MIA2: variants seen among roughly 807,000 people sequenced by gnomAD.
MIA2 encodes melanoma inhibitory activity protein 2.
Under a neutral mutation model 167.8 loss-of-function variants are expected in MIA2, and 127 were observed. The observed-to-expected ratio is 0.76, with a 90% confidence interval of 0.66 to 0.88. The LOEUF is 0.88. Among genes scored for constraint, MIA2 ranks in the 40% least tolerant of loss-of-function variants. The pLI, the probability that MIA2 is intolerant of heterozygous loss-of-function variation, is 0.00. For synonymous variants in MIA2, 552 were observed against 541.9 expected, an observed-to-expected ratio of 1.02 and a Z score of -0.26; for missense variants, 1,690 against 1,624.7, an observed-to-expected ratio of 1.04 and a Z score of -0.69.
chr14:39,386,625 T>C lies in MIA2; in HGVS notation c.2249-260T>C, dbSNP rs2075276641. 26 of 1,036,186 alleles carry C rather than the reference T, an allele frequency of 2.5e-5. No individual in the cohort carries two copies. The South Asian group carries it at 3.5e-4, about 14-fold the overall frequency. 64.2% of individuals were successfully genotyped at this position (1,036,186 alleles called of 1,614,324 possible). On this transcript the variant is annotated intron_variant, in intron 23 of 23. Coordinates refer to the MIA2 transcript ENST00000341502. ...CTTTTTTCTTTTTTTTCTTTTTTTT[T>C]GGCTGGCAGTCTGATCTGTGACAGC...
intron 23 of MIA2, among the ~76,000 whole-genome samples, chr14:39,359,607 A>T (rs573063969): frequency 1.3e-5 from 2 of 152,040 alleles, no homozygotes; most frequent in South Asian, 4.1e-4. Context: ...CGGTACCTCT[A>T]TTGGAAATGC....
intron 6 of MIA2, among the ~76,000 whole-genome samples, chr14:39,263,117 G>A (rs1048492999): frequency 6.6e-6 from 1 of 152,140 alleles, no homozygotes; most frequent in Non-Finnish European, 1.5e-5. Context: ...AATGCTTCCA[G>A]TTTTTGCCCA....
In MIA2 at chr14:39,313,439, T is replaced by C. The variant is rs2064723059; in HGVS notation, c.3117T>C (p.Tyr1039=). The part of the protein sequence containing the change: ...ISHATEELET[Y]RKRAKDLEEE... Reference sequence around the variant, plus strand: ...ATGCCACTGAAGAGCTGGAGACCTATAGGTATTAAATACATTTTTCTGGTT... The same window carrying C: ...ATGCCACTGAAGAGCTGGAGACCTACAGGTATTAAATACATTTTTCTGGTT... Residue 1039 remains tyrosine, a splice_region_variant and synonymous_variant, in exon 19 of 29, where the codon TAT becomes TAC. Coordinates refer to ENST00000640607, the MANE Select transcript of MIA2 (RefSeq NM_001329214.4). 1 of 1,564,876 alleles carries C rather than the reference T, an allele frequency of 6.4e-7. No individual in the cohort carries two copies. Among genetic ancestry groups the C allele is most frequent in the Non-Finnish European group, 8.7e-7 (1 of 1,151,750 alleles).
At chr14:39,347,802 T>C in intron 27 of MIA2, 31 bp downstream of exon 27, 1 of 1,480,716 alleles carries the variant, frequency 6.8e-7, no homozygotes, top group South Asian at 1.2e-5. Context: ...ATTGTATGCA[T>C]GTATTCAGAA....
In MIA2 at chr14:39,350,219, A is replaced by T; in HGVS notation, c.4194A>T (p.Ser1398=). 1.3e-6 allele frequency: 2 copies of T among 1,525,892 alleles called. No homozygotes were observed. Among genetic ancestry groups the T allele is most frequent in the Non-Finnish European group, 1.8e-6 (2 of 1,134,952 alleles). 94.5% of individuals were successfully genotyped at this position (1,525,892 alleles called of 1,614,324 possible). A position where few individuals can be genotyped will look rare whatever the true frequency, so the allele number is the denominator to read the frequency against. ...SEFPSGLIPP[S]NEPATEHPEP... ...TCCCCTCAGGTTTGATTCCACCTTC[A>T]AATGAGCCTGCTACTGAACATCCAG... The change falls in exon 29 of 29, where the codon TCA becomes TCT. Residue 1398 remains serine (S), a synonymous_variant. Transcript: ENST00000640607.
chr14:39,327,121 T>G (rs1196073776), intron 25 of MIA2, 99 bp downstream of exon 25: 14 of 921,012 alleles, frequency 1.5e-5, no homozygotes, highest in Non-Finnish European at 1.5e-5. Flanking sequence ...TGTTCTCTCT[T>G]AAGAAAAATC....
At chr14:39,288,458 TATATA>T (rs1566747696) in intron 9 of MIA2, among the ~76,000 whole-genome samples, 164 of 16,006 alleles carry the variant, frequency 0.01, 12 homozygotes, top group South Asian at 0.024. Context: ...TATATATATA[TATATA>T]TATATATATA....
chr14:39,329,285 T>A (rs1313437996), intron 25 of MIA2, among the ~76,000 whole-genome samples: 1 of 152,196 alleles, frequency 6.6e-6, no homozygotes, highest in Non-Finnish European at 1.5e-5. Context: ...ATAGGAATGC[T>A]TGTGATTTTT....
intron 3 of MIA2, among the ~76,000 whole-genome samples, chr14:39,244,205 A>G (rs1258441520): frequency 6.6e-6 from 1 of 152,264 alleles, no homozygotes; most frequent in Non-Finnish European, 1.5e-5. Context: ...ATTTTAGATT[A>G]TATGGCTGGC....
chr14:39,255,007 G>C (rs1307773472), intron 6 of MIA2, among the ~76,000 whole-genome samples: 6 of 152,180 alleles, frequency 3.9e-5, no homozygotes, highest in Non-Finnish European at 7.4e-5. Context: ...TAGCTTGGGG[G>C]ACCTGTTAGA....
In MIA2 at chr14:39,298,415, A is replaced by ATT. The variant is rs1566802199; in HGVS notation, c.2497-1448_2497-1447insTT. Among the ~76,000 whole-genome samples, 115 of 18,398 alleles carry ATT rather than the reference A, an allele frequency of 6.3e-3. 1 individual carries two copies. The highest frequency in any genetic ancestry group is 0.041 in the African/African-American group (111 of 2,676). 12.1% of individuals were successfully genotyped at this position (18,398 alleles called of 152,430 possible). A position where few individuals can be genotyped will look rare whatever the true frequency, so the allele number is the denominator to read the frequency against. ...TACCTGTATCATCTGATTCTGTTTT[A>ATT]TATATATATATATATATATATATAT... On this transcript the variant is annotated intron_variant, in intron 13 of 28. Transcript: ENST00000640607.
intron 6 of MIA2, among the ~76,000 whole-genome samples, chr14:39,259,889 TG>T (rs1462787062): frequency 1.3e-5 from 2 of 152,002 alleles, no homozygotes; most frequent in African/African-American, 4.8e-5. Flanking sequence ...CCCCGGTGTG[TG>T]ATGTTCCCCA....
chr14:39,277,722 A>ATATATATATATATATATGTGTG lies in MIA2; in HGVS notation c.2019+674_2019+675insGTGTGTATATATATATATATAT, dbSNP rs2058306507. ...TATATATATATATATATATGTGTGT[A>ATATATATATATATATATGTGTG]TATATATATATATATATATATGTGT... On this transcript the variant is annotated intron_variant, in intron 7 of 28. Coordinates refer to ENST00000640607, the MANE Select transcript of MIA2 (RefSeq NM_001329214.4). Among the ~76,000 whole-genome samples, 19 of 2,776 alleles carry ATATATATATATATATATGTGTG rather than the reference A, an allele frequency of 6.8e-3. 1 individual carries two copies. The highest frequency in any genetic ancestry group is 0.059 in the Admixed American group (19 of 320). The allele number at this position is 2,776 out of a possible 152,430, so 1.8% of individuals were successfully genotyped here.
Position 39,316,768 on chromosome 14 carries a change from A to G in MIA2, c.3216+1050A>G, listed in dbSNP as rs117596568. 5.2e-4 allele frequency among the ~76,000 whole-genome samples: 79 copies of G among 152,288 alleles called. No homozygotes were observed. In the East Asian group the frequency reaches 0.014, roughly 28 times the overall value. ...TAGTTAACCACTGCTCACCACTTGT[A>G]AAATACTTAGGTGTAGATTACTCTT... On this transcript the variant is annotated intron_variant, in intron 21 of 28. Transcript: ENST00000640607.
chr14:39,289,002 A>G (rs1200640533), intron 9 of MIA2, among the ~76,000 whole-genome samples: 1 of 152,078 alleles, frequency 6.6e-6, no homozygotes, highest in Admixed American at 6.5e-5. Flanking sequence ...GTGTTAGGAA[A>G]TATTCCCTCC....
At chr14:39,296,382 C>CT (rs2061423323) in intron 13 of MIA2, among the ~76,000 whole-genome samples, 1 of 151,704 alleles carries the variant, frequency 6.6e-6, no homozygotes, top group South Asian at 2.1e-4. Flanking sequence ...TCCAATATTG[C>CT]TTTTAAGAAG....
In MIA2 at chr14:39,279,407, TATA is replaced by T. The variant is rs532779690; in HGVS notation, c.2042-36_2042-34del. On this transcript the variant is annotated intron_variant, in intron 8 of 28. Coordinates refer to ENST00000640607, the MANE Select transcript of MIA2 (RefSeq NM_001329214.4). ...CTCTCATTGTTGTGTTGTAAAAACT[TATA>T]ATAATTTACTCATGGTAATATTGAC... is the stretch of plus-strand genomic sequence containing the variant. 1,839 of 1,602,884 alleles carry T rather than the reference TATA, an allele frequency of 1.1e-3. 2 individuals carry two copies. The highest frequency in any genetic ancestry group is 1.5e-3 in the South Asian group (129 of 87,816).
At chr14:39,268,434 G>A (rs2056450064) in intron 6 of MIA2, among the ~76,000 whole-genome samples, 1 of 149,536 alleles carries the variant, frequency 6.7e-6, no homozygotes, top group African/African-American at 2.5e-5. Flanking sequence ...GCATCATGTT[G>A]TCTGTTAAGA....
chr14:39,382,217 A>C (rs1219018208), intron 23 of MIA2, among the ~76,000 whole-genome samples: 1 of 152,210 alleles, frequency 6.6e-6, no homozygotes, highest in African/African-American at 2.4e-5. Flanking sequence ...GATCTCAATC[A>C]AATTTTGGGA....
Sources: gnomAD v4.1 joint callset for allele counts (sites outside exome capture counted in the v4.1 genomes callset) on GRCh38, gnomAD v4.1.1 for gene constraint, MANE v1.5 for transcripts, NCBI Gene and HGNC (gene_info 2026-07-23, HGNC 2026-07-21) for gene names.